The following IDH3G variants were observed in gnomAD, a reference collection of about 807,000 sequenced individuals.
The protein encoded by IDH3G is isocitrate dehydrogenase (NAD(+)) 3 non-catalytic subunit gamma.
A neutral mutation model predicts 26.9 loss-of-function variants in IDH3G; 9 were observed. The ratio of observed to expected loss-of-function variants is 0.34; its 90% CI spans 0.20 to 0.58. The LOEUF (loss-of-function observed/expected upper bound fraction) is 0.58, where lower values mean the gene tolerates loss of function less well. Among genes scored for constraint, IDH3G ranks in the 20% least tolerant of loss-of-function variants. The pLI, the probability that IDH3G is intolerant of heterozygous loss-of-function variation, is 0.85. For synonymous variants in IDH3G, 181 were observed against 160.0 expected (o/e 1.13, Z -0.99); for missense variants, 250 against 372.8 (o/e 0.67, Z 2.71).
chrX:153,792,289 A>C (rs1392598663), intron 1 of IDH3G: 1 of 112,411 alleles, frequency 8.9e-6, no homozygotes, highest in Non-Finnish European at 1.9e-5. Context: ...CTGAGTGAAC[A>C]AGCACATCAG....
At chrX:153,790,411 G>A (rs1475422978) in intron 3 of IDH3G, 119 bp from the exon 4 acceptor site, 17 of 872,942 alleles carry the variant, frequency 1.9e-5, no homozygotes, top group South Asian at 9.0e-5. Context: ...AGGCTGCCCC[G>A]TCACAAGGTG....
In IDH3G at chrX:153,789,197, A is replaced by G. The variant is rs1187857273; in HGVS notation, c.346+515T>C. The G allele has an allele frequency of 8.8e-6, 3 of 342,840 alleles. No homozygotes were observed. In the East Asian group the frequency reaches 2.9e-4, roughly 33 times the overall value. 28.3% of individuals were successfully genotyped at this position (342,840 alleles called of 1,213,427 possible). On this transcript the variant is annotated intron_variant, in intron 5 of 12. Coordinates refer to ENST00000217901, the MANE Select transcript of IDH3G (RefSeq NM_004135.4). ...CACGAGGGTCCTCTCTAGCCAGACA[A>G]GCCCTGAAATCAGAGCCGTGGGGCC...
At chrX:153,788,803 C>T (rs1468917719) in intron 5 of IDH3G, among the ~76,000 whole-genome samples, 1 of 112,885 alleles carries the variant, frequency 8.9e-6, no homozygotes, top group Non-Finnish European at 1.9e-5. Context: ...TTCATCTTTG[C>T]TCACACGCTC....
chrX:153,789,128 C>T (rs1283502833), intron 5 of IDH3G: 1 of 341,322 alleles, frequency 2.9e-6, no homozygotes, highest in East Asian at 9.7e-5. Context: ...ATCCCAGCAT[C>T]GCAGCGCAAA....
At chrX:153,791,999 T>C (rs782282509) in intron 1 of IDH3G, among the ~76,000 whole-genome samples, 7 of 112,423 alleles carry the variant, frequency 6.2e-5, no homozygotes, top group Non-Finnish European at 1.3e-4. Flanking sequence ...GTCTTCTCTC[T>C]AGCGCTTATC....
At position 153,787,505 on chromosome X, in the gene IDH3G, G is replaced by A. The variant is rs782207526; in HGVS notation, c.633C>T (p.Ser211=). The A allele has an allele frequency of 6.6e-6, 8 of 1,211,219 alleles. No homozygotes were observed. Among genetic ancestry groups the A allele is most frequent in the Non-Finnish European group, 8.9e-6 (8 of 895,278 alleles). ...GCACGGCCGTCACTTTCTTGCGCCC[G>A]CTCTCCTGCGCCAGCTTGAAGGCAT... ...AEYAFKLAQE[S]GRKKVTAVHK... The change falls in exon 8 of 13, where the codon AGC becomes AGT. Residue 211 remains serine (S), a synonymous_variant. Coordinates refer to ENST00000217901, the MANE Select transcript of IDH3G (RefSeq NM_004135.4).
At chrX:153,789,868 C>T in intron 4 of IDH3G, 44 bp from the exon 5 acceptor site, 1 of 892,383 alleles carries the variant, frequency 1.1e-6, no homozygotes, top group Non-Finnish European at 1.6e-6. Context: ...GACCCCCCCG[C>T]ACCTCCTCCA....
At chrX:153,791,948 T>C (rs2092110699) in intron 1 of IDH3G, among the ~76,000 whole-genome samples, 2 of 112,453 alleles carry the variant, frequency 1.8e-5, no homozygotes, top group Admixed American at 1.9e-4. Flanking sequence ...GGGACTTTTC[T>C]GTCTTCTCTC....
At chrX:153,789,859 A>ACC (rs200839053) in intron 4 of IDH3G, 35 bp from the exon 5 acceptor site, 1 of 900,230 alleles carries the variant, frequency 1.1e-6, no homozygotes, top group Non-Finnish European at 1.6e-6. Context: ...GCTGGCCCAG[A>ACC]CCCCCCCGCA....
chrX:153,788,184 C>T, intron 5 of IDH3G, 49 bp from the exon 6 acceptor site: 1 of 1,160,548 alleles, frequency 8.6e-7, no homozygotes, highest in Non-Finnish European at 1.2e-6. Flanking sequence ...CCCGCCCCAC[C>T]TCAGCAGGGC....
chrX:153,787,659 G>A, intron 7 of IDH3G, 62 bp from the exon 8 acceptor site: 1 of 1,172,484 alleles, frequency 8.5e-7, no homozygotes, highest in Non-Finnish European at 1.1e-6. Context: ...GGCCAAACAA[G>A]CTGGCGCGAC....
In IDH3G at chrX:153,793,124, G is replaced by A. The variant is rs529311168; in HGVS notation, c.81+1122C>T. Among the ~76,000 whole-genome samples, 6 of 110,909 alleles carry A rather than the reference G, an allele frequency of 5.4e-5. No homozygotes were observed. The South Asian group carries it at 1.9e-3, about 35-fold the overall frequency. On this transcript the variant is annotated intron_variant, in intron 1 of 12. Transcript: ENST00000217901. ...GCAAGGCACTGCCCAGCTACCCACC[G>A]TTCACTGTCCCCTACTCCCACCCCA...
At position 153,787,088 on chromosome X, in the gene IDH3G, G is replaced by A. The variant is rs376559202; in HGVS notation, c.740C>T (p.Thr247Ile). 2.5e-6 allele frequency: 3 copies of A among 1,210,694 alleles called. No homozygotes were observed. The highest frequency in any genetic ancestry group is 3.4e-6 in the Non-Finnish European group (3 of 894,383). ...GTTATCCACAATCATGTTCTCGAAG[G>A]TGATCTGAGGGTAGCGGGCTGCCAC... is the stretch of plus-strand genomic sequence containing the variant. ...REVAARYPQI[T>I]FENMIVDNTT... The change falls in exon 9 of 13, where the codon ACC becomes ATC. Residue 247 changes from threonine (T) to isoleucine (I), a missense_variant. Thr to Ile is a moderately conservative substitution (Grantham distance 89, BLOSUM62 -1). Around this residue, in one of 2 missense-constraint regions of IDH3G, gnomAD observed 201 missense variants for 331.3 expected, o/e 0.61. Coordinates refer to ENST00000217901, the MANE Select transcript of IDH3G (RefSeq NM_004135.4).
In IDH3G at chrX:153,787,796, G is replaced by A. The variant is rs200381706; in HGVS notation, c.540+27C>T. 9.8e-5 allele frequency: 117 copies of A among 1,194,269 alleles called. No homozygotes were observed. The African/African-American group carries it at 1.7e-3, about 18-fold the overall frequency. ...CTCCCCTTAATCTTGACGCTGGGGG[G>A]GCTCATCTCGGGCCCCCCATGCACA... On this transcript the variant is annotated intron_variant, in intron 7 of 12. Coordinates refer to ENST00000217901, the MANE Select transcript of IDH3G (RefSeq NM_004135.4).
At chrX:153,791,649 C>A (rs1222648045) in intron 1 of IDH3G, among the ~76,000 whole-genome samples, 1 of 112,722 alleles carries the variant, frequency 8.9e-6, no homozygotes, top group Non-Finnish European at 1.9e-5. Flanking sequence ...GTGGCAGAGC[C>A]AAGGTCTTCC....
chrX:153,790,764 G>A (rs112083595), intron 2 of IDH3G, 46 bp downstream of exon 2: 8 of 1,180,665 alleles, frequency 6.8e-6, no homozygotes, highest in African/African-American at 3.5e-5. Flanking sequence ...GCACAATTGC[G>A]GCCACATGGA....
chrX:153,786,155 G>A (rs1424327752), intron 12 of IDH3G, 57 bp downstream of exon 12: 5 of 1,202,720 alleles, frequency 4.2e-6, no homozygotes, highest in Non-Finnish European at 4.5e-6. Flanking sequence ...CGGGCTACAG[G>A]AGGCTGCAGG....
chrX:153,786,289 C>T lies in IDH3G; in HGVS notation c.1020-17G>A. On this transcript the variant is annotated splice_polypyrimidine_tract_variant and intron_variant, in intron 11 of 12. Coordinates refer to ENST00000217901, the MANE Select transcript of IDH3G (RefSeq NM_004135.4). The stretch of plus-strand genomic sequence containing the variant: ...GAGTGCAGCCTAGAGGATGGGACAG[C>T]CAGCCTTCAGTCCCTGGGGCCCGGA... The T allele has an allele frequency of 2.5e-6, 3 of 1,203,631 alleles. No homozygotes were observed. The highest frequency in any genetic ancestry group is 3.4e-6 in the Non-Finnish European group (3 of 890,119).
chrX:153,788,299 T>G (rs1314221070), intron 5 of IDH3G, among the ~76,000 whole-genome samples, 164 bp from the exon 6 acceptor site: 1 of 112,375 alleles, frequency 8.9e-6, no homozygotes, highest in Non-Finnish European at 1.9e-5. Context: ...GGCTACACGC[T>G]CAGGGATCTC....
Sources: allele counts gnomAD v4.1 joint callset (sites outside exome capture counted in the v4.1 genomes callset), GRCh38; gene constraint gnomAD v4.1.1; regional missense constraint gnomAD v4.1.1; transcripts MANE v1.5; gene names NCBI Gene and HGNC (gene_info 2026-07-23, HGNC 2026-07-21).